C1orf146: variants seen among roughly 807,000 people sequenced by gnomAD.
C1orf146 encodes the protein protein SPO16 homolog.
C1orf146 carries 22 observed loss-of-function variants against 23.0 expected under a neutral mutation model. The observed-to-expected ratio is 0.96, with a 90% confidence interval of 0.68 to 1.36. The LOEUF (loss-of-function observed/expected upper bound fraction) is 1.36, where lower values mean the gene tolerates loss of function less well. Ranked by LOEUF, C1orf146 falls within the 40% of genes most tolerant of loss-of-function variation. C1orf146 has a pLI of 0.00. For missense variants in C1orf146, 199 were observed against 206.8 expected (o/e 0.96, Z 0.23); for synonymous variants, 59 against 65.3 (o/e 0.90, Z 0.47).
intron 1 of C1orf146, among the ~76,000 whole-genome samples, chr1:92,221,229 A>T (rs1651810172): frequency 6.6e-6 from 1 of 152,206 alleles, no homozygotes; most frequent in South Asian, 2.1e-4. Context: ...TTAGTGCATG[A>T]ACAGAAAACC....
chr1:92,222,673 G>A (rs1331645464), intron 1 of C1orf146, among the ~76,000 whole-genome samples: 23 of 148,068 alleles, frequency 1.6e-4, no homozygotes, highest in Non-Finnish European at 3.0e-5. Context: ...TGCAAGCTCT[G>A]CCTCCCGGGT....
intron 2 of C1orf146, among the ~76,000 whole-genome samples, chr1:92,238,995 G>A (rs1228324650): frequency 1.3e-5 from 2 of 152,138 alleles, no homozygotes; most frequent in Non-Finnish European, 2.9e-5. Flanking sequence ...CTGAGCTCAA[G>A]CAATCCATTG....
intron 1 of C1orf146, among the ~76,000 whole-genome samples, chr1:92,219,521 T>TTTTTG (rs1553129352): frequency 7.0e-6 from 1 of 141,916 alleles, no homozygotes. Flanking sequence ...TTTTTTTTTT[T>TTTTTG]AAGACAGAGT....
chr1:92,229,566 CAGAGA>C, intron 1 of C1orf146: 2 of 328,488 alleles, frequency 6.1e-6, no homozygotes, highest in Non-Finnish European at 6.0e-6. Context: ...TAATCTGAAG[CAGAGA>C]AGGTCTTCCA....
intron 1 of C1orf146, among the ~76,000 whole-genome samples, chr1:92,226,345 C>G (rs1201457736): frequency 6.6e-6 from 1 of 151,932 alleles, no homozygotes; most frequent in East Asian, 1.9e-4. Flanking sequence ...AGAAACTTTG[C>G]ACCAATATAG....
intron 4 of C1orf146, 66 bp downstream of exon 4, chr1:92,244,451 T>G (rs1386866773): frequency 2.3e-6 from 3 of 1,298,442 alleles, no homozygotes; most frequent in Non-Finnish European, 3.2e-6. Flanking sequence ...CTTAATTCTT[T>G]TAGGTAAGTT....
chr1:92,226,193 C>T (rs908256273), intron 1 of C1orf146, among the ~76,000 whole-genome samples: 2 of 152,094 alleles, frequency 1.3e-5, no homozygotes, highest in East Asian at 1.9e-4. Context: ...CTACCTCTTT[C>T]GTGTTATAGG....
At chr1:92,238,462 A>G (rs1041140403) in intron 2 of C1orf146, among the ~76,000 whole-genome samples, 5 of 152,270 alleles carry the variant, frequency 3.3e-5, no homozygotes, top group African/African-American at 9.6e-5. Flanking sequence ...TCTTATTTCA[A>G]TCCGGAGCAT....
At chr1:92,238,023 G>T (rs956946048) in intron 2 of C1orf146, among the ~76,000 whole-genome samples, 1 of 152,076 alleles carries the variant, frequency 6.6e-6, no homozygotes, top group African/African-American at 2.4e-5. Context: ...TCCGCCTCTC[G>T]GGCTCAAGTG....
chr1:92,222,535 G>GTTTTTTTTTTTTTTT, intron 1 of C1orf146, among the ~76,000 whole-genome samples: 3 of 60,582 alleles, frequency 5.0e-5, no homozygotes, highest in African/African-American at 1.4e-4. Context: ...CCCTTCTTCG[G>GTTTTTTTTTTTTTTT]TTTTTTTTTT....
In C1orf146 at chr1:92,244,680, C is replaced by A. The variant is rs981108785; in HGVS notation, c.330-99C>A. The stretch of plus-strand genomic sequence containing the variant: ...GTAAGGCAGGGCATGAATGCATAGA[C>A]AAATAACAAACAATAGAGATTTGTC... On this transcript the variant is annotated intron_variant, in intron 4 of 5. Coordinates refer to ENST00000370375, the MANE Select transcript of C1orf146 (RefSeq NM_001012425.2). 3 of 798,794 alleles carry A rather than the reference C, an allele frequency of 3.8e-6. No homozygotes were observed. In the African/African-American group the frequency reaches 5.1e-5, roughly 14 times the overall value. 49.5% of individuals were successfully genotyped at this position (798,794 alleles called of 1,614,324 possible).
chr1:92,223,691 G>A (rs12078738), intron 1 of C1orf146, among the ~76,000 whole-genome samples: 3,374 of 151,810 alleles, frequency 0.022, 153 homozygotes, highest in African/African-American at 0.076. Context: ...GCACCACCAC[G>A]CCTGGCTAAT....
At chr1:92,237,697 C>G (rs954045193) in intron 2 of C1orf146, among the ~76,000 whole-genome samples, 1 of 152,198 alleles carries the variant, frequency 6.6e-6, no homozygotes, top group African/African-American at 2.4e-5. Flanking sequence ...TAGACAGGAG[C>G]TGTTCCTATT....
chr1:92,229,154 G>A, intron 1 of C1orf146: 1 of 525,400 alleles, frequency 1.9e-6, no homozygotes, highest in Non-Finnish European at 3.8e-6. Flanking sequence ...GGGGTGCAAT[G>A]ATCTTGATCT....
At chr1:92,218,485 A>G (rs1651735509) in intron 1 of C1orf146, among the ~76,000 whole-genome samples, 1 of 152,106 alleles carries the variant, frequency 6.6e-6, no homozygotes, top group South Asian at 2.1e-4. Flanking sequence ...AGTAGCAACA[A>G]AAGCCCAGAA....
At chr1:92,223,175 C>T (rs933747141) in intron 1 of C1orf146, among the ~76,000 whole-genome samples, 2 of 151,966 alleles carry the variant, frequency 1.3e-5, no homozygotes, top group Non-Finnish European at 2.9e-5. Context: ...GGTAAATTAC[C>T]TAGGAGTAAA....
intron 3 of C1orf146, 93 bp downstream of exon 3, chr1:92,242,398 TATC>T: frequency 1.6e-6 from 1 of 633,132 alleles, no homozygotes; most frequent in South Asian, 2.7e-5. Flanking sequence ...TGTAATGTAT[TATC>T]TTTTGGGAAG....
intron 1 of C1orf146, chr1:92,229,445 A>G: frequency 1.9e-6 from 1 of 515,162 alleles, no homozygotes; most frequent in Non-Finnish European, 3.9e-6. Context: ...GCTTTTTGTC[A>G]TCAGCTGTAG....
intron 1 of C1orf146, among the ~76,000 whole-genome samples, chr1:92,230,470 G>A (rs1652092198): frequency 1.3e-5 from 2 of 152,032 alleles, no homozygotes; most frequent in Non-Finnish European, 2.9e-5. Flanking sequence ...AAAAAGATTA[G>A]CTGGGTGTGG....
Sources: gnomAD v4.1 joint callset for allele counts (sites outside exome capture counted in the v4.1 genomes callset) on GRCh38, gnomAD v4.1.1 for gene constraint, MANE v1.5 for transcripts, NCBI Gene and HGNC (gene_info 2026-07-23, HGNC 2026-07-21) for gene names.